NEDD9: variants seen among roughly 807,000 people sequenced by gnomAD.
NEDD9 encodes the protein enhancer of filamentation 1.
A neutral mutation model predicts 76.6 loss-of-function variants in NEDD9; 26 were observed. That is an observed-to-expected ratio of 0.34 (90% confidence interval 0.25 to 0.47). The LOEUF (loss-of-function observed/expected upper bound fraction) is 0.47, where lower values mean the gene tolerates loss of function less well. Among genes scored for constraint, NEDD9 ranks in the 20% least tolerant of loss-of-function variants. NEDD9 has a pLI of 1.00. For synonymous variants in NEDD9, 392 were observed against 414.2 expected, an observed-to-expected ratio of 0.95 and a Z score of 0.65; for missense variants, 937 against 1,058.5, an observed-to-expected ratio of 0.89 and a Z score of 1.59.
Position 11,198,011 on chromosome 6 carries a change from G to A in NEDD9, c.460-4319C>T, listed in dbSNP as rs1030266439. ...AGCTGGTACCCATAGCAGAGCAAGG[G>A]TCCTATACTCAGATGCTCACGGACC... On this transcript the variant is annotated intron_variant, in intron 2 of 6. Transcript: ENST00000379446. This position sits in a 1 kb window ranked among gnomAD's most constrained non-coding sequence, Gnocchi z 4.7. 6.6e-6 allele frequency among the ~76,000 whole-genome samples: 1 copy of A among 152,064 alleles called. No individual in the cohort carries two copies. Among genetic ancestry groups the A allele is most frequent in the African/African-American group, 2.4e-5 (1 of 41,376 alleles).
chr6:11,343,635 A>T (rs1465553836), intron 1 of NEDD9, among the ~76,000 whole-genome samples: 1 of 152,196 alleles, frequency 6.6e-6, no homozygotes, highest in Non-Finnish European at 1.5e-5. Context: ...CCATACCAAG[A>T]ACAGTGCCTA....
intron 2 of NEDD9, among the ~76,000 whole-genome samples, chr6:11,312,253 G>T (rs953897940): frequency 1.3e-5 from 2 of 151,856 alleles, no homozygotes; most frequent in Non-Finnish European, 1.5e-5. Flanking sequence ...TTCAGCTTTG[G>T]TCTCCTCTCA....
At chr6:11,236,066 C>T (rs1229890450), upstream of NEDD9, among the ~76,000 whole-genome samples, 1 of 152,172 alleles carries the variant, frequency 6.6e-6, no homozygotes, top group Non-Finnish European at 1.5e-5. This position sits in a 1 kb window ranked among gnomAD's most constrained non-coding sequence, Gnocchi z 5.5. Context: ...GCCCTTAAAA[C>T]TCTTCAGGGA....
In NEDD9 at chr6:11,190,706, T is replaced by C; in HGVS notation, c.1163A>G (p.Lys388Arg). Reference protein sequence around the residue: ...SNMSTSSTSSKESSLSASPAQ... With the variant: ...SNMSTSSTSSRESSLSASPAQ... The stretch of plus-strand genomic sequence containing the variant: ...TGGGGAGGCTGACAGTGAGGACTCC[T>C]TGGAGGAGGTGGAAGACGTGGACAT... The change falls in exon 5 of 7, where the codon AAG (lysine) becomes AGG (arginine). Residue 388 changes from lysine (K) to arginine (R), a missense_variant. By Grantham distance (26) the Lys-to-Arg change is conservative (BLOSUM62 2). Coordinates refer to ENST00000379446, the MANE Select transcript of NEDD9 (RefSeq NM_006403.4). The surrounding 1 kb of genome is among the most constrained non-coding windows in gnomAD (Gnocchi z 5.8). The C allele has an allele frequency of 1.2e-6, 2 of 1,614,132 alleles. No homozygotes were observed. The highest frequency in any genetic ancestry group is 1.3e-5 in the African/African-American group (1 of 75,030).
intron 3 of NEDD9, among the ~76,000 whole-genome samples, chr6:11,282,659 A>T (rs1439011342): frequency 6.6e-6 from 1 of 152,140 alleles, no homozygotes; most frequent in Non-Finnish European, 1.5e-5. Context: ...ATGGCATGGA[A>T]CCTAAACCCT....
At chr6:11,309,208 A>G (rs1283089448) in intron 2 of NEDD9, among the ~76,000 whole-genome samples, 1 of 152,232 alleles carries the variant, frequency 6.6e-6, no homozygotes, top group Non-Finnish European at 1.5e-5. Context: ...AGGTTTGAGC[A>G]ATGCATCTGT....
At chr6:11,327,227 A>G (rs1484475081) in intron 2 of NEDD9, among the ~76,000 whole-genome samples, 1 of 152,180 alleles carries the variant, frequency 6.6e-6, no homozygotes, top group Non-Finnish European at 1.5e-5. Context: ...CAATTTCCTT[A>G]GTCCTTTTAC....
intron 2 of NEDD9, among the ~76,000 whole-genome samples, chr6:11,194,216 T>C (rs1196114676): frequency 1.3e-5 from 2 of 152,142 alleles, no homozygotes; most frequent in Non-Finnish European, 2.9e-5. Context: ...CCCTAAAATA[T>C]CTCTATCACC....
At chr6:11,339,441 C>T (rs972298234) in intron 1 of NEDD9, among the ~76,000 whole-genome samples, 16 of 152,168 alleles carry the variant, frequency 1.1e-4, no homozygotes, top group African/African-American at 3.9e-4. Flanking sequence ...AATGGATACT[C>T]TTTTTCTACT....
intron 1 of NEDD9, among the ~76,000 whole-genome samples, chr6:11,231,674 G>A (rs1277131133): frequency 6.6e-6 from 1 of 152,198 alleles, no homozygotes; most frequent in African/African-American, 2.4e-5. Context: ...TCCCCTGGAA[G>A]CTGCTTGCCT....
Position 11,185,264 on chromosome 6 carries a change from GT to G in NEDD9, c.2402del (p.Tyr801SerfsTer14). Reference protein sequence around the residue: ...VMATKMAALHYPSTTALQEMV... With the variant: ...VMATKMAALHXPSTTALQEMV... ...TTTCCTGCAGGGCCGTGGTGCTGGG[GT>G]AATGGAGGGCGGCCATCTTGGTTGC... On this transcript the variant is annotated frameshift_variant, in exon 7 of 7. Coordinates refer to ENST00000379446, the MANE Select transcript of NEDD9 (RefSeq NM_006403.4). LOFTEE classifies it high-confidence loss of function. The G allele has an allele frequency of 6.2e-7, 1 of 1,614,156 alleles. No homozygotes were observed. The highest frequency in any genetic ancestry group is 1.3e-5 in the African/African-American group (1 of 75,042).
intron 3 of NEDD9, among the ~76,000 whole-genome samples, chr6:11,243,632 G>A (rs79459009): frequency 0.012 from 1,864 of 152,250 alleles, 37 homozygotes; most frequent in African/African-American, 0.042. Flanking sequence ...CAACTCCTTC[G>A]GTTTCCAAAG....
intron 1 of NEDD9, among the ~76,000 whole-genome samples, chr6:11,377,691 A>G (rs1762989767): frequency 2.0e-5 from 3 of 152,236 alleles, no homozygotes; most frequent in Admixed American, 2.0e-4. Context: ...GCTGGAATCA[A>G]TTCAGACTTC....
intron 2 of NEDD9, among the ~76,000 whole-genome samples, chr6:11,331,899 A>G (rs7738900): frequency 0.38 from 57,562 of 152,120 alleles, 13,697 homozygotes; most frequent in African/African-American, 0.68. Context: ...AAGCCCAGAC[A>G]TACAGAGGGC....
At chr6:11,334,810 G>A (rs1762118216) in intron 1 of NEDD9, among the ~76,000 whole-genome samples, 1 of 152,204 alleles carries the variant, frequency 6.6e-6, no homozygotes, top group Non-Finnish European at 1.5e-5. Context: ...TTCAAAATGA[G>A]TTGTAAAGCA....
In NEDD9 at chr6:11,195,108, G is replaced by A. The variant is rs114385286; in HGVS notation, c.460-1416C>T. ...CAGAACTATGTGAAAAATGCTCCACGTCCATCTTATGCTGAAATGGGTGGA... is the reference window on the plus strand; with the variant it reads ...CAGAACTATGTGAAAAATGCTCCACATCCATCTTATGCTGAAATGGGTGGA... On this transcript the variant is annotated intron_variant, in intron 2 of 6. Transcript: ENST00000379446. Among the ~76,000 whole-genome samples, 758 of 152,286 alleles carry A rather than the reference G, an allele frequency of 5.0e-3. 3 individuals carry two copies. Among genetic ancestry groups the A allele is most frequent in the African/African-American group, 0.017 (719 of 41,552 alleles).
intron 1 of NEDD9, among the ~76,000 whole-genome samples, chr6:11,215,131 C>A (rs1758914424): frequency 6.6e-6 from 1 of 152,200 alleles, no homozygotes; most frequent in Non-Finnish European, 1.5e-5. Context: ...GATCTGCCCT[C>A]TATTCAGTAG....
intron 1 of NEDD9, among the ~76,000 whole-genome samples, chr6:11,350,446 T>G (rs185893661): frequency 3.3e-5 from 5 of 152,330 alleles, no homozygotes; most frequent in Admixed American, 2.0e-4. Context: ...CAAACTGTGT[T>G]TTTCTCTCAG....
chr6:11,321,179 G>A (rs1174969915), intron 2 of NEDD9, among the ~76,000 whole-genome samples: 1 of 145,642 alleles, frequency 6.9e-6, no homozygotes. Context: ...GAAGGAAGGA[G>A]GGAGGGAAAG....
Sources: allele counts gnomAD v4.1 joint callset (sites outside exome capture counted in the v4.1 genomes callset), GRCh38; gene constraint gnomAD v4.1.1; non-coding constraint Gnocchi (gnomAD v3.1); transcripts MANE v1.5; gene names NCBI Gene and HGNC (gene_info 2026-07-23, HGNC 2026-07-21).